The following DPYSL2 variants were observed in gnomAD, a reference collection of about 807,000 sequenced individuals.
The protein encoded by DPYSL2 is dihydropyrimidinase like 2, also known as dihydropyrimidinase-related protein 2.
A neutral mutation model predicts 69.9 loss-of-function variants in DPYSL2; 13 were observed. The observed-to-expected ratio is 0.19, with a 90% CI of 0.12 to 0.30. The LOEUF (loss-of-function observed/expected upper bound fraction) is 0.30, where lower values mean the gene tolerates loss of function less well. Among genes scored for constraint, DPYSL2 ranks in the 10% least tolerant of loss-of-function variants. The pLI is 1.00. For synonymous variants in DPYSL2, 326 were observed against 359.1 expected (o/e 0.91, Z 1.04); for missense variants, 587 against 918.9 (o/e 0.64, Z 4.67).
rs924486715 is a variant in DPYSL2 at position 26,587,769 on chromosome 8, G to A, written c.628+3786G>A. ...CCAGACCGGCTGAGGGGTTGCGGGG[G>A]CGGCCGCATTGCTGCTTGGGGAAAA... On this transcript the variant is annotated intron_variant, in intron 3 of 13. Coordinates refer to ENST00000521913, the MANE Select transcript of DPYSL2 (RefSeq NM_001197293.3). This position sits in a 1 kb window ranked among gnomAD's most constrained non-coding sequence, Gnocchi z 4.2. Among the ~76,000 whole-genome samples, 25 of 152,298 alleles carry A rather than the reference G, an allele frequency of 1.6e-4. No individual in the cohort carries two copies. Among genetic ancestry groups the A allele is most frequent in the African/African-American group, 5.1e-4 (21 of 41,570 alleles).
intron 1 of DPYSL2, among the ~76,000 whole-genome samples, chr8:26,558,992 G>C (rs922971217): frequency 6.6e-6 from 1 of 151,980 alleles, no homozygotes; most frequent in Non-Finnish European, 1.5e-5. Flanking sequence ...TCCCAGACTG[G>C]AGTGCAGTGG....
intron 1 of DPYSL2, among the ~76,000 whole-genome samples, chr8:26,549,914 A>G (rs1039798966): frequency 1.3e-5 from 2 of 152,244 alleles, no homozygotes; most frequent in Non-Finnish European, 2.9e-5. Context: ...ATGTTAAAAA[A>G]AAAATCTTCA....
chr8:26,631,341 G>A (rs1563418517), intron 7 of DPYSL2, among the ~76,000 whole-genome samples: 1 of 152,132 alleles, frequency 6.6e-6, no homozygotes, highest in Non-Finnish European at 1.5e-5. Context: ...CTTATGTGGC[G>A]GCAAGAGAGC....
intron 7 of DPYSL2, among the ~76,000 whole-genome samples, chr8:26,631,153 C>G (rs1370665674): frequency 1.3e-5 from 2 of 152,200 alleles, no homozygotes; most frequent in Non-Finnish European, 2.9e-5. Context: ...AAAATGCTCT[C>G]AGAGAGTTGT....
chr8:26,563,326 C>T (rs1801102415), intron 1 of DPYSL2, among the ~76,000 whole-genome samples: 1 of 152,158 alleles, frequency 6.6e-6, no homozygotes, highest in Non-Finnish European at 1.5e-5. Flanking sequence ...CTCTCTTCTC[C>T]CAGATGGCTT....
At position 26,609,331 on chromosome 8, in the gene DPYSL2, G is replaced by GGGGCTTTT. The variant is rs1198663364; in HGVS notation, c.629-14808_629-14801dup. On this transcript the variant is annotated intron_variant, in intron 3 of 13. Transcript: ENST00000521913. This position sits in a 1 kb window ranked among gnomAD's most constrained non-coding sequence, Gnocchi z 6.5. ...CTTTCCTGTTATTAACAATGGCTTTGGGGCTTTTGGGGCGCATTTAGTTCT... is the reference window on the plus strand; with the variant it reads ...CTTTCCTGTTATTAACAATGGCTTTGGGGCTTTTGGGCTTTTGGGGCGCATTTAGTTCT... Among the ~76,000 whole-genome samples, 8 of 152,104 alleles carry GGGGCTTTT rather than the reference G, an allele frequency of 5.3e-5. No homozygotes were observed. Among genetic ancestry groups the GGGGCTTTT allele is most frequent in the Non-Finnish European group, 1.2e-4 (8 of 68,030 alleles).
chr8:26,583,638 G>C (rs1481669121), intron 2 of DPYSL2, among the ~76,000 whole-genome samples, 161 bp from the exon 3 acceptor site: 2 of 152,092 alleles, frequency 1.3e-5, no homozygotes, highest in Non-Finnish European at 2.9e-5. Context: ...CTCTTGCTGG[G>C]GGGTAGGAGT....
chr8:26,537,596 C>T (rs185990012), intron 1 of DPYSL2, among the ~76,000 whole-genome samples: 2 of 105,316 alleles, frequency 1.9e-5, no homozygotes, highest in Admixed American at 2.0e-4. Flanking sequence ...ATTGACCTTA[C>T]TATCATTCTC....
chr8:26,610,421 T>C lies in DPYSL2; in HGVS notation c.629-13722T>C, dbSNP rs1262618909. Among the ~76,000 whole-genome samples, 2 of 152,198 alleles carry C rather than the reference T, an allele frequency of 1.3e-5. No individual in the cohort carries two copies. Among genetic ancestry groups the C allele is most frequent in the Non-Finnish European group, 2.9e-5 (2 of 68,032 alleles). On this transcript the variant is annotated intron_variant, in intron 3 of 13. Transcript: ENST00000521913. This position sits in a 1 kb window ranked among gnomAD's most constrained non-coding sequence, Gnocchi z 4.5. ...TCTGTTGACAGAGGGTCTCTATGCTTCTTCCTTTTCTAGCATTTACTCTTA... is the reference window on the plus strand; with the variant it reads ...TCTGTTGACAGAGGGTCTCTATGCTCCTTCCTTTTCTAGCATTTACTCTTA...
chr8:26,572,922 C>T lies in DPYSL2; in HGVS notation c.355-9047C>T, dbSNP rs540469096. Reference sequence around the variant, plus strand: ...ATTGTATTGTGTAGGTGGTTTACTGCGATGAATGGGATCACACAGGGATGT... The same window carrying T: ...ATTGTATTGTGTAGGTGGTTTACTGTGATGAATGGGATCACACAGGGATGT... On this transcript the variant is annotated intron_variant, in intron 1 of 13. Transcript: ENST00000521913. Among the ~76,000 whole-genome samples the T allele has an allele frequency of 4.5e-4, 69 of 152,184 alleles. 2 individuals carry two copies. In the South Asian group the frequency reaches 7.9e-3, roughly 17 times the overall value.
At chr8:26,601,433 G>A (rs528124161) in intron 3 of DPYSL2, among the ~76,000 whole-genome samples, 4 of 151,602 alleles carry the variant, frequency 2.6e-5, no homozygotes, top group Admixed American at 2.0e-4. Context: ...GCTGGAGTGC[G>A]GTGGCGCCAT....
intron 1 of DPYSL2, among the ~76,000 whole-genome samples, chr8:26,556,175 A>AAT (rs374190104): frequency 6.6e-5 from 1 of 15,204 alleles, no homozygotes; most frequent in Non-Finnish European, 1.1e-4. Context: ...TACTATATAT[A>AAT]GTATATACTA....
At chr8:26,578,532 A>G in intron 1 of DPYSL2, 1 of 1,411,578 alleles carries the variant, frequency 7.1e-7, no homozygotes, top group Non-Finnish European at 9.2e-7. Context: ...AGGTAGCCTT[A>G]GGTAACGCGC....
At chr8:26,639,205 A>T (rs1045667604) in intron 8 of DPYSL2, among the ~76,000 whole-genome samples, 11 of 152,202 alleles carry the variant, frequency 7.2e-5, no homozygotes, top group Admixed American at 1.3e-4. Context: ...CTTATGCTTG[A>T]TGTTGCAATC....
intron 3 of DPYSL2, among the ~76,000 whole-genome samples, chr8:26,584,774 C>T (rs536302956): frequency 6.6e-6 from 1 of 152,070 alleles, no homozygotes; most frequent in African/African-American, 2.4e-5. Flanking sequence ...CATGCACCCC[C>T]ACGCTTGGCT....
rs531771680 is a variant in DPYSL2, at chr8:26,533,951, G to A, written c.354+19272G>A. ...AGTAACAGTGTGGGAGGAGAGGAAT[G>A]GAAGAGCTTAGGAGTTAGGAATTGG... On this transcript the variant is annotated intron_variant, in intron 1 of 13. Coordinates refer to ENST00000521913, the MANE Select transcript of DPYSL2 (RefSeq NM_001197293.3). The surrounding 1 kb of genome is among the most constrained non-coding windows in gnomAD (Gnocchi z 4.8). 6.6e-6 allele frequency among the ~76,000 whole-genome samples: 1 copy of A among 152,306 alleles called. No individual in the cohort carries two copies. Among genetic ancestry groups the A allele is most frequent in the East Asian group, 1.9e-4 (1 of 5,182 alleles).
chr8:26,595,010 C>G (rs1051021357), intron 3 of DPYSL2, among the ~76,000 whole-genome samples: 3 of 151,240 alleles, frequency 2.0e-5, no homozygotes, highest in Non-Finnish European at 4.4e-5. Context: ...CAAAGTGAAG[C>G]CTTGTCTCTA....
chr8:26,563,196 A>G (rs936455669), intron 1 of DPYSL2, among the ~76,000 whole-genome samples: 4 of 152,058 alleles, frequency 2.6e-5, no homozygotes, highest in African/African-American at 9.7e-5. Context: ...GGCCACGCTC[A>G]TGTCTATCAC....
rs1314217383 is a variant in DPYSL2, at chr8:26,560,982, T to C, written c.355-20987T>C. Among the ~76,000 whole-genome samples, 2 of 152,094 alleles carry C rather than the reference T, an allele frequency of 1.3e-5. No individual in the cohort carries two copies. Among genetic ancestry groups the C allele is most frequent in the African/African-American group, 2.4e-5 (1 of 41,418 alleles). On this transcript the variant is annotated intron_variant, in intron 1 of 13. Transcript: ENST00000521913. The surrounding 1 kb of genome is among the most constrained non-coding windows in gnomAD (Gnocchi z 4.4). ...GAGAGCAGCTGTCCACAGTTATTAA[T>C]GGTACCTTACACTACACAGTTGCTG...
Sources: allele counts gnomAD v4.1 joint callset (sites outside exome capture counted in the v4.1 genomes callset), GRCh38; gene constraint gnomAD v4.1.1; non-coding constraint Gnocchi (gnomAD v3.1); transcripts MANE v1.5; gene names NCBI Gene and HGNC (gene_info 2026-07-23, HGNC 2026-07-21).